GFOD1: variants seen among roughly 807,000 people sequenced by gnomAD.
GFOD1 encodes Gfo/Idh/MocA-like oxidoreductase domain containing 1.
Under a neutral mutation model 25.4 loss-of-function variants are expected in GFOD1, and 9 were observed. The observed-to-expected ratio is 0.35, with a 90% CI of 0.21 to 0.62. GFOD1 has a LOEUF of 0.62. GFOD1 is among the 20% of genes least tolerant of loss of function. The pLI, the probability that GFOD1 is intolerant of heterozygous loss-of-function variation, is 0.72. For synonymous variants in GFOD1, 253 were observed against 245.6 expected, an observed-to-expected ratio of 1.03 and a Z score of -0.28; for missense variants, 403 against 556.9, an observed-to-expected ratio of 0.72 and a Z score of 2.78.
rs1422596926 is a variant in GFOD1, at chr6:13,363,236, T to TGC, written c.*1506_*1507insGC. 1.3e-4 allele frequency: 20 copies of TGC among 151,774 alleles called. No individual in the cohort carries two copies. Among genetic ancestry groups the TGC allele is most frequent in the African/African-American group, 4.4e-4 (18 of 41,288 alleles). 9.4% of individuals were successfully genotyped at this position (151,774 alleles called of 1,614,324 possible). ...CTGTGTGTGTGTGTGTGTGTGTGTGTGTGCACGTGCATGTGTGTGTGTGTC... is the reference window on the plus strand; with the variant it reads ...CTGTGTGTGTGTGTGTGTGTGTGTGTGCGTGCACGTGCATGTGTGTGTGTGTC... On this transcript the variant is annotated 3_prime_UTR_variant, in exon 2 of 2. Coordinates refer to ENST00000379287, the MANE Select transcript of GFOD1 (RefSeq NM_018988.4).
Position 13,487,108 on chromosome 6 carries a change from C to A in GFOD1, c.-218G>T. The A allele has an allele frequency of 1.9e-6, 1 of 520,152 alleles. No individual in the cohort carries two copies. The allele number at this position is 520,152 out of a possible 1,614,324, so 32.2% of individuals were successfully genotyped here. A position where few individuals can be genotyped will look rare whatever the true frequency, so the allele number is the denominator to read the frequency against. On this transcript the variant is annotated 5_prime_UTR_variant, in exon 1 of 2. Transcript: ENST00000379287. This position sits in a 1 kb window ranked among gnomAD's most constrained non-coding sequence, Gnocchi z 4.9. ...CTCAGAACGGTGACTGCGGCAGTGT[C>A]CGCCACGCGGGGCTCGCGTCCTTCC...
At chr6:13,420,633 C>G (rs1786239756) in intron 1 of GFOD1, among the ~76,000 whole-genome samples, 1 of 152,220 alleles carries the variant, frequency 6.6e-6, no homozygotes, top group South Asian at 2.1e-4. Context: ...CCAGTGAAAA[C>G]CCAGTCAAGA....
At chr6:13,371,925 G>A (rs1272145289) in intron 1 of GFOD1, among the ~76,000 whole-genome samples, 2 of 152,172 alleles carry the variant, frequency 1.3e-5, no homozygotes, top group Non-Finnish European at 2.9e-5. Context: ...GTGTGACCAC[G>A]GGTGAGTGGC....
chr6:13,448,009 A>C (rs1006058041), intron 1 of GFOD1, among the ~76,000 whole-genome samples: 2 of 151,598 alleles, frequency 1.3e-5, no homozygotes, highest in African/African-American at 4.9e-5. Flanking sequence ...ATTTGGAGGG[A>C]GGAGGGAGGT....
intron 1 of GFOD1, among the ~76,000 whole-genome samples, chr6:13,409,215 G>GAAAGAGAAAGAAGGGA (rs1562209633): frequency 2.9e-5 from 1 of 34,106 alleles, no homozygotes; most frequent in Admixed American, 6.6e-4. Flanking sequence ...AAGAAGGAAA[G>GAAAGAGAAAGAAGGGA]AGAGAGAGAG....
At chr6:13,474,222 A>C (rs1758568167) in intron 1 of GFOD1, among the ~76,000 whole-genome samples, 1 of 152,112 alleles carries the variant, frequency 6.6e-6, no homozygotes, top group South Asian at 2.1e-4. Context: ...TCTACTAAAA[A>C]TACAAAATTA....
intron 1 of GFOD1, among the ~76,000 whole-genome samples, chr6:13,394,359 C>G (rs116720097): frequency 6.6e-6 from 1 of 151,214 alleles, no homozygotes; most frequent in Non-Finnish European, 1.5e-5. Context: ...GAATATCTCT[C>G]GGAAGGAACA....
intron 1 of GFOD1, among the ~76,000 whole-genome samples, chr6:13,447,085 C>T (rs1042574927): frequency 1.3e-5 from 2 of 152,080 alleles, no homozygotes; most frequent in Non-Finnish European, 2.9e-5. Context: ...TGTCAGAAGG[C>T]TTATTAGTGT....
At chr6:13,378,661 A>G (rs1785301677) in intron 1 of GFOD1, among the ~76,000 whole-genome samples, 2 of 152,154 alleles carry the variant, frequency 1.3e-5, no homozygotes, top group Admixed American at 1.3e-4. Flanking sequence ...AGCCTTCCGC[A>G]AGTGGGCACC....
chr6:13,374,889 T>C (rs1158236835), intron 1 of GFOD1, among the ~76,000 whole-genome samples: 2 of 151,968 alleles, frequency 1.3e-5, no homozygotes, highest in Non-Finnish European at 2.9e-5. Flanking sequence ...ATTATAGGCA[T>C]GTGCCACCAA....
At chr6:13,478,610 G>T (rs1013283644) in intron 1 of GFOD1, among the ~76,000 whole-genome samples, 2 of 152,334 alleles carry the variant, frequency 1.3e-5, no homozygotes, top group Admixed American at 1.3e-4. Context: ...GTAACCACAG[G>T]AAAGACTGAG....
intron 1 of GFOD1, among the ~76,000 whole-genome samples, chr6:13,379,621 T>C (rs1785319706): frequency 6.6e-6 from 1 of 152,206 alleles, no homozygotes. Context: ...CTTTGTTCCT[T>C]GTGTTTCTCA....
chr6:13,448,410 C>T (rs921666391), intron 1 of GFOD1, among the ~76,000 whole-genome samples: 1 of 152,146 alleles, frequency 6.6e-6, no homozygotes, highest in African/African-American at 2.4e-5. Context: ...ATCCTCCACC[C>T]CTATAAGGCA....
At chr6:13,390,771 GA>G in intron 1 of GFOD1, among the ~76,000 whole-genome samples, 3 of 124,924 alleles carry the variant, frequency 2.4e-5, no homozygotes, top group Non-Finnish European at 4.6e-5. Flanking sequence ...AAGAGAGAGA[GA>G]GAGAGAGAAA....
intron 1 of GFOD1, among the ~76,000 whole-genome samples, chr6:13,465,336 G>T (rs1034564275): frequency 2.0e-5 from 3 of 152,192 alleles, no homozygotes; most frequent in African/African-American, 7.2e-5. Context: ...GGTTGGACAA[G>T]CTTGATCTAA....
At chr6:13,486,314 G>A (rs939909087) in intron 1 of GFOD1, 16 of 328,894 alleles carry the variant, frequency 4.9e-5, no homozygotes, top group African/African-American at 3.2e-4. Flanking sequence ...TCCTCTTCTC[G>A]CGGAGCACCC....
chr6:13,366,485 G>A (rs1362949088), intron 1 of GFOD1, among the ~76,000 whole-genome samples: 2 of 152,092 alleles, frequency 1.3e-5, no homozygotes, highest in African/African-American at 2.4e-5. Context: ...ACAGGCGCCC[G>A]CCACCATGCC....
At chr6:13,406,456 C>T (rs980685166) in intron 1 of GFOD1, among the ~76,000 whole-genome samples, 4 of 152,104 alleles carry the variant, frequency 2.6e-5, no homozygotes, top group East Asian at 1.9e-4. Flanking sequence ...TCAGAAAGGG[C>T]GCCTGTATTC....
rs1785008190 is a variant in GFOD1, at chr6:13,364,826, T to C, written c.1090A>G (p.Ile364Val). The change falls in exon 2 of 2, where the codon ATC becomes GTC. Residue 364 changes from isoleucine to valine, a missense_variant. Coordinates refer to ENST00000379287, the MANE Select transcript of GFOD1 (RefSeq NM_018988.4). This position sits in a 1 kb window ranked among gnomAD's most constrained non-coding sequence, Gnocchi z 4.1. ...CTCAGCTCCGGCTCCTCGGTCATGA[T>C]GGCAATGTTCTGCCACTCGCCCGTC... is the stretch of plus-strand genomic sequence containing the variant. ...SQTGEWQNIAIMTEEPELSPA... is the reference protein window; with the variant it reads ...SQTGEWQNIAVMTEEPELSPA... The C allele has an allele frequency of 6.2e-7, 1 of 1,614,074 alleles. No individual in the cohort carries two copies. Among genetic ancestry groups the C allele is most frequent in the Non-Finnish European group, 8.5e-7 (1 of 1,180,032 alleles).
Sources: gnomAD v4.1 joint callset for allele counts (sites outside exome capture counted in the v4.1 genomes callset) on GRCh38, gnomAD v4.1.1 for gene constraint, Gnocchi (gnomAD v3.1) non-coding constraint, MANE v1.5 for transcripts, NCBI Gene and HGNC (gene_info 2026-07-23, HGNC 2026-07-21) for gene names.